TRAPPC2: variants seen among roughly 807,000 people sequenced by gnomAD.
The protein encoded by TRAPPC2 is trafficking protein particle complex subunit 2.
A neutral mutation model predicts 10.0 loss-of-function variants in TRAPPC2; 4 were observed. The ratio of observed to expected loss-of-function variants is 0.40; its 90% CI spans 0.20 to 0.92. The LOEUF is 0.92. Among genes scored for constraint, TRAPPC2 ranks in the 40% least tolerant of loss-of-function variants. The pLI is 0.35. For missense variants in TRAPPC2, 52 were observed against 108.7 expected (o/e 0.48, Z 2.32); for synonymous variants, 36 against 37.3 (o/e 0.97, Z 0.12).
In TRAPPC2 at chrX:13,713,497, A is replaced by G. The variant is rs1357344408; in HGVS notation, c.*910T>C. On this transcript the variant is annotated 3_prime_UTR_variant, in exon 6 of 6. Coordinates refer to ENST00000380579, the MANE Select transcript of TRAPPC2 (RefSeq NM_001011658.4). ...CAAAAACAAAAACCCACAAAAAACCAAAAAGCTTATTCCCAATTTTTAAGT... is the reference window on the plus strand; with the variant it reads ...CAAAAACAAAAACCCACAAAAAACCGAAAAGCTTATTCCCAATTTTTAAGT... 1 of 109,475 alleles carries G rather than the reference A, an allele frequency of 9.1e-6. No homozygotes were observed. 9.0% of individuals were successfully genotyped at this position (109,475 alleles called of 1,213,427 possible).
rs2046286190 is a variant in TRAPPC2, at chrX:13,716,385, AAAAAG to A, written c.238+144_238+148del. On this transcript the variant is annotated intron_variant, in intron 4 of 5. Transcript: ENST00000380579. ...TAAACAAAATGTTTTTCCCCCCTAAAAAAAGAAAAGTAGCCCCATAAATGGAAACT... is the reference window on the plus strand; with the variant it reads ...TAAACAAAATGTTTTTCCCCCCTAAAAAAAGTAGCCCCATAAATGGAAACT... The A allele has an allele frequency of 5.3e-6, 4 of 751,433 alleles. No homozygotes were observed. The South Asian group carries it at 1.1e-4, about 20-fold the overall frequency. 61.9% of individuals were successfully genotyped at this position (751,433 alleles called of 1,213,427 possible).
intron 2 of TRAPPC2, among the ~76,000 whole-genome samples, chrX:13,726,239 A>T (rs1429301472): frequency 1.8e-5 from 2 of 111,810 alleles, no homozygotes; most frequent in Non-Finnish European, 3.8e-5. Flanking sequence ...CCAACATTCA[A>T]ATTCAGCAAA....
intron 2 of TRAPPC2, 54 bp from the exon 3 acceptor site, chrX:13,720,036 A>C (rs987057675): frequency 1.1e-5 from 9 of 818,438 alleles, no homozygotes; most frequent in Middle Eastern, 3.0e-4. Context: ...CAAATTAAAA[A>C]ATGACTAATG....
At chrX:13,715,632 T>C (rs1166837143) in intron 5 of TRAPPC2, 5 of 190,513 alleles carry the variant, frequency 2.6e-5, no homozygotes, top group Non-Finnish European at 4.2e-5. Flanking sequence ...TATTGCACTG[T>C]AACTTATTTG....
chrX:13,724,400 TAAAAAA>T (rs772302164), intron 2 of TRAPPC2, among the ~76,000 whole-genome samples: 2 of 82,326 alleles, frequency 2.4e-5, no homozygotes, highest in African/African-American at 4.5e-5. Context: ...AATATATATT[TAAAAAA>T]AAAAAAAAAA....
chrX:13,722,995 G>A (rs776159930), intron 2 of TRAPPC2, among the ~76,000 whole-genome samples: 53 of 109,143 alleles, frequency 4.9e-4, no homozygotes, highest in African/African-American at 6.3e-4. Flanking sequence ...CCTGGGAGGC[G>A]GAGCCAGAAG....
chrX:13,715,709 G>T, intron 5 of TRAPPC2: 1 of 682,030 alleles, frequency 1.5e-6, no homozygotes. Flanking sequence ...CTGCTTTCTT[G>T]CTGTCTTTAG....
At chrX:13,717,962 T>C (rs1351131562) in intron 3 of TRAPPC2, among the ~76,000 whole-genome samples, 1 of 111,626 alleles carries the variant, frequency 9.0e-6, no homozygotes, top group Non-Finnish European at 1.9e-5. Flanking sequence ...CATTTAGAGA[T>C]GCACACAGGG....
Position 13,714,350 on chromosome X carries a change from C to A in TRAPPC2, c.*57G>T. 1.3e-6 allele frequency: 1 copy of A among 767,192 alleles called. No homozygotes were observed. The highest frequency in any genetic ancestry group is 3.3e-5 in the Admixed American group (1 of 30,746). 63.2% of individuals were successfully genotyped at this position (767,192 alleles called of 1,213,427 possible). A position where few individuals can be genotyped will look rare whatever the true frequency, so the allele number is the denominator to read the frequency against. On this transcript the variant is annotated 3_prime_UTR_variant, in exon 6 of 6. Transcript: ENST00000380579. ...ATTTAATCAAGTAACTTACAATGTA[C>A]ACATTCCTGAGTATACACCATTGTG...
intron 2 of TRAPPC2, 83 bp from the exon 3 acceptor site, chrX:13,720,065 T>C (rs1403793362): frequency 1.4e-6 from 1 of 695,873 alleles, no homozygotes. Flanking sequence ...AGAATTCTTT[T>C]TTAAATTTAA....
Position 13,734,522 on chromosome X carries a change from T to G in TRAPPC2, c.-162+3A>C. On this transcript the variant is annotated splice_donor_region_variant and intron_variant, in intron 1 of 5. Coordinates refer to ENST00000380579, the MANE Select transcript of TRAPPC2 (RefSeq NM_001011658.4). ...CCCCCGCCGCACTTGCTCCATTCCC[T>G]ACCTGCAGTGGGAGGCCGACAACGG... 1 of 262,507 alleles carries G rather than the reference T, an allele frequency of 3.8e-6. No individual in the cohort carries two copies. The highest frequency in any genetic ancestry group is 6.0e-6 in the Non-Finnish European group (1 of 165,805). 21.6% of individuals were successfully genotyped at this position (262,507 alleles called of 1,213,427 possible). A position where few individuals can be genotyped will look rare whatever the true frequency, so the allele number is the denominator to read the frequency against.
intron 3 of TRAPPC2, among the ~76,000 whole-genome samples, chrX:13,717,034 TAAAAAAAAAAAAAAAA>T (rs1175025577): frequency 2.3e-3 from 88 of 37,944 alleles, no homozygotes; most frequent in African/African-American, 9.5e-3. Flanking sequence ...GATACTATGT[TAAAAAAAAAAAAAAAA>T]AAAAAAAAAA....
chrX:13,717,512 C>G (rs2046322170), intron 3 of TRAPPC2, among the ~76,000 whole-genome samples: 1 of 111,396 alleles, frequency 9.0e-6, no homozygotes. Flanking sequence ...GAGGCTGAGG[C>G]AGGTGGATCA....
intron 2 of TRAPPC2, among the ~76,000 whole-genome samples, chrX:13,730,923 G>C (rs1486236418): frequency 9.4e-6 from 1 of 106,879 alleles, no homozygotes; most frequent in African/African-American, 3.4e-5. Flanking sequence ...GTCAGGGGGT[G>C]GGGGGCTGGG....
At chrX:13,727,599 A>G (rs1009712782) in intron 2 of TRAPPC2, among the ~76,000 whole-genome samples, 1 of 112,477 alleles carries the variant, frequency 8.9e-6, no homozygotes, top group African/African-American at 3.2e-5. Context: ...CATTTAAAGC[A>G]GTGTGTAGAG....
intron 2 of TRAPPC2, among the ~76,000 whole-genome samples, chrX:13,722,855 A>G (rs2046452136): frequency 9.0e-6 from 1 of 111,455 alleles, no homozygotes; most frequent in Non-Finnish European, 1.9e-5. Context: ...CGAGGTCAGG[A>G]GATCGAGACC....
Position 13,714,477 on chromosome X carries a change from T to C in TRAPPC2, c.353A>G (p.Asn118Ser), listed in dbSNP as rs1382243467. ...AAATGCACTTGATCGAATAGGAGAA[T>C]TGGGTTCATAAAATGGATTCATTGA... ...KFSMNPFYEP[N>S]SPIRSSAFDR... Residue 118 changes from asparagine to serine, a missense_variant, in exon 6 of 6, where the codon AAT (asparagine) becomes AGT (serine). Coordinates refer to ENST00000380579, the MANE Select transcript of TRAPPC2 (RefSeq NM_001011658.4). The C allele has an allele frequency of 1.0e-5, 12 of 1,157,299 alleles. No individual in the cohort carries two copies. Among genetic ancestry groups the C allele is most frequent in the Admixed American group, 2.5e-5 (1 of 39,769 alleles).
intron 4 of TRAPPC2, 80 bp downstream of exon 4, chrX:13,716,454 C>T: frequency 9.0e-7 from 1 of 1,110,619 alleles, no homozygotes; most frequent in Non-Finnish European, 1.2e-6. Flanking sequence ...AGACTCAGAG[C>T]CTGGCATCTA....
intron 2 of TRAPPC2, among the ~76,000 whole-genome samples, chrX:13,724,400 TA>T (rs772302164): frequency 0.04 from 3,308 of 82,264 alleles, 120 homozygotes; most frequent in African/African-American, 0.11. Context: ...AATATATATT[TA>T]AAAAAAAAAA....
Sources: gnomAD v4.1 joint callset for allele counts (sites outside exome capture counted in the v4.1 genomes callset) on GRCh38, gnomAD v4.1.1 for gene constraint, MANE v1.5 for transcripts, NCBI Gene and HGNC (gene_info 2026-07-23, HGNC 2026-07-21) for gene names.